The following KRTAP16-1 variants were observed in gnomAD, a reference collection of about 807,000 sequenced individuals.
KRTAP16-1 encodes the protein keratin associated protein 16-1.
For missense variants in KRTAP16-1, 675 were observed against 657.7 expected, an observed-to-expected ratio of 1.03 and a Z score of -0.29; for synonymous variants, 262 against 248.0, an observed-to-expected ratio of 1.06 and a Z score of -0.53.
Position 41,308,020 on chromosome 17 carries a change from T to G in KRTAP16-1, c.1234A>C (p.Arg412=). Reference sequence around the variant, plus strand: ...GAGATGGATGTCATGTATGGCTGCCTATAGGTGAGGAGTCCAGAGCAGATT... The same window carrying G: ...GAGATGGATGTCATGTATGGCTGCCGATAGGTGAGGAGTCCAGAGCAGATT... ...RPICSGLLTY[R]QPYMTSISYR... is the part of the protein sequence containing the mutation. Residue 412 remains arginine, a synonymous_variant, in exon 1 of 1, where the codon AGG becomes CGG. Coordinates refer to ENST00000391352, the MANE Select transcript of KRTAP16-1 (RefSeq NM_001146182.2). The G allele has an allele frequency of 6.4e-7, 1 of 1,550,530 alleles. No individual in the cohort carries two copies. Among genetic ancestry groups the G allele is most frequent in the Non-Finnish European group, 8.7e-7 (1 of 1,146,988 alleles).
rs1193129102 is a variant in KRTAP16-1, at chr17:41,308,499, C to G, written c.755G>C (p.Ser252Thr). ...CTCTGAGCAACTTGGCTCACAAGGG[C>G]TGGGGTCACAGCAGACAGCCTGGCA... ...SSCQAVCCDP[S>T]PCEPSCSESS... Residue 252 changes from serine (S) to threonine (T), a missense_variant, in exon 1 of 1, where the codon AGC becomes ACC. By Grantham distance (58) the Ser-to-Thr change is moderately conservative. Transcript: ENST00000391352. 2 of 1,550,368 alleles carry G rather than the reference C, an allele frequency of 1.3e-6. No homozygotes were observed. Among genetic ancestry groups the G allele is most frequent in the East Asian group, 4.9e-5 (2 of 40,916 alleles).
rs2016929964 is a variant in KRTAP16-1, at chr17:41,308,118, A to T, written c.1136T>A (p.Ile379Lys). ...CRPTCPRTFY[I>K]PSSSKRPCSA... ...GCAAGGCCGTTTGCTGGAACTGGGT[A>T]TGTAGAAAGTCCTAGGACAAGTTGG... The change falls in exon 1 of 1, where the codon ATA becomes AAA. Residue 379 changes from isoleucine to lysine, a missense_variant. Transcript: ENST00000391352. 4 of 1,550,616 alleles carry T rather than the reference A, an allele frequency of 2.6e-6. No individual in the cohort carries two copies. Among genetic ancestry groups the T allele is most frequent in the Non-Finnish European group, 3.5e-6 (4 of 1,146,994 alleles).
rs867491965 is a variant in KRTAP16-1, at chr17:41,308,268, C to T, written c.986G>A (p.Cys329Tyr). ...CTTGACTACATAGCAAGTAGGTTGG[C>T]ATGGACTGGACACACAGACAGCTGG... is the stretch of plus-strand genomic sequence containing the variant. Reference protein sequence around the residue: ...CSPAVCVSSPCQPTCYVVKRC... With the variant: ...CSPAVCVSSPYQPTCYVVKRC... Residue 329 changes from cysteine to tyrosine, a missense_variant, in exon 1 of 1, where the codon TGC (cysteine) becomes TAC (tyrosine). Transcript: ENST00000391352. The T allele has an allele frequency of 5.2e-6, 8 of 1,550,576 alleles. No homozygotes were observed. In the African/African-American group the frequency reaches 9.6e-5, roughly 19 times the overall value.
Position 41,308,085 on chromosome 17 carries a change from G to A in KRTAP16-1, c.1169C>T (p.Thr390Met), listed in dbSNP as rs773579787. 2.0e-5 allele frequency: 31 copies of A among 1,550,516 alleles called. No homozygotes were observed. Among genetic ancestry groups the A allele is most frequent in the Admixed American group, 9.8e-5 (5 of 50,986 alleles). The part of the protein sequence containing the change: ...PSSSKRPCSA[T>M]ISYRPVSRPI... ...ACGGGAGACCGGGCGGTAGGAAATC[G>A]TAGCACTGCAAGGCCGTTTGCTGGA... Residue 390 changes from threonine to methionine, a missense_variant, in exon 1 of 1, where the codon ACG (threonine) becomes ATG (methionine). Physicochemically the swap from Thr to Met is moderately conservative, Grantham distance 81. Coordinates refer to ENST00000391352, the MANE Select transcript of KRTAP16-1 (RefSeq NM_001146182.2).
chr17:41,308,795 G>T lies in KRTAP16-1; in HGVS notation c.459C>A (p.Cys153Ter). 1 of 1,550,306 alleles carries T rather than the reference G, an allele frequency of 6.5e-7. No homozygotes were observed. The highest frequency in any genetic ancestry group is 8.7e-7 in the Non-Finnish European group (1 of 1,146,728). ...AAGGCTCACAAATAGCAGGCTCACA[G>T]CACACAGGTTGAGCACAGCTGCTCA... Reference protein sequence around the residue: ...CSVSSCAQPVCCEPAICEPSC... With the variant: ...CSVSSCAQPV Residue 153 changes from cysteine to a stop codon, truncating the protein, a stop_gained, in exon 1 of 1, where the codon TGC (cysteine) becomes TGA (stop). Transcript: ENST00000391352. LOFTEE classifies it low-confidence loss of function (END_TRUNC).
At position 41,307,985 on chromosome 17, in the gene KRTAP16-1, AGGAC is replaced by A; in HGVS notation, c.1265_1268del (p.Arg422LeufsTer?). On this transcript the variant is annotated frameshift_variant, in exon 1 of 1. Transcript: ENST00000391352. LOFTEE classifies it low-confidence loss of function (END_TRUNC). ...TGGAGTAGCATGGGCGATAGCAGGCAGGACGGTAGGAGATGGATGTCATGTATGG... is the reference window on the plus strand; with the variant it reads ...TGGAGTAGCATGGGCGATAGCAGGCAGGTAGGAGATGGATGTCATGTATGG... 1 of 1,550,682 alleles carries A rather than the reference AGGAC, an allele frequency of 6.4e-7. No individual in the cohort carries two copies. The highest frequency in any genetic ancestry group is 8.7e-7 in the Non-Finnish European group (1 of 1,147,006).
rs985361098 is a variant in KRTAP16-1, at chr17:41,308,506, C to G, written c.748G>C (p.Asp250His). ...CAACTTGGCTCACAAGGGCTGGGGT[C>G]ACAGCAGACAGCCTGGCAGCTACTG... ...VTSSCQAVCC[D>H]PSPCEPSCSE... is the part of the protein sequence containing the mutation. The change falls in exon 1 of 1, where the codon GAC becomes CAC. Residue 250 changes from aspartate (D) to histidine (H), a missense_variant. Transcript: ENST00000391352. 1.3e-6 allele frequency: 2 copies of G among 1,550,424 alleles called. No individual in the cohort carries two copies. Among genetic ancestry groups the G allele is most frequent in the East Asian group, 2.4e-5 (1 of 40,928 alleles).
rs1413597882 is a variant in KRTAP16-1, at chr17:41,309,295, T to C, written c.-42A>G. The C allele has an allele frequency of 7.1e-7, 1 of 1,406,490 alleles. No individual in the cohort carries two copies. 87.1% of individuals were successfully genotyped at this position (1,406,490 alleles called of 1,614,324 possible). On this transcript the variant is annotated 5_prime_UTR_variant, in exon 1 of 1. Coordinates refer to ENST00000391352, the MANE Select transcript of KRTAP16-1 (RefSeq NM_001146182.2). ...CTTCCTTGTGCTGAGTGCTGAGAGG[T>C]TGCTGCCTCACTGTGACAGCTCCCT... is the stretch of plus-strand genomic sequence containing the variant.
rs1341805751 is a variant in KRTAP16-1 at position 41,309,231 on chromosome 17, C to T, written c.23G>A (p.Arg8Lys). ...GGTGGCTGGCACGGAGAAGCATTTC[C>T]TAGAAGAGCAACTGCCAGACATGGT... Reference protein sequence around the residue: MSGSCSSRKCFSVPATSL... With the variant: MSGSCSSKKCFSVPATSL... Residue 8 changes from arginine (R) to lysine (K), a missense_variant, in exon 1 of 1, where the codon AGG (arginine) becomes AAG (lysine). Physicochemically the swap from Arg to Lys is conservative, Grantham distance 26. Coordinates refer to ENST00000391352, the MANE Select transcript of KRTAP16-1 (RefSeq NM_001146182.2). 1 of 1,534,924 alleles carries T rather than the reference C, an allele frequency of 6.5e-7. No individual in the cohort carries two copies. Among genetic ancestry groups the T allele is most frequent in the South Asian group, 1.2e-5 (1 of 82,228 alleles).
Position 41,307,741 on chromosome 17 carries a change from C to T in KRTAP16-1, c.1513G>A (p.Ala505Thr), listed in dbSNP as rs745763704. The change falls in exon 1 of 1, where the codon GCA becomes ACA. Residue 505 changes from alanine to threonine, a missense_variant. Ala to Thr is a moderately conservative substitution (Grantham distance 58). Coordinates refer to ENST00000391352, the MANE Select transcript of KRTAP16-1 (RefSeq NM_001146182.2). Reference sequence around the variant, plus strand: ...TTGCTGGCAGCAGGCTGAGCTGCTGCGGCCTCACGGGTGGTTGGGCTGATG... The same window carrying T: ...TTGCTGGCAGCAGGCTGAGCTGCTGTGGCCTCACGGGTGGTTGGGCTGATG... ...KPISPTTREAAAAQPAASKPA... is the reference protein window; with the variant it reads ...KPISPTTREATAAQPAASKPA... The T allele has an allele frequency of 9.1e-6, 14 of 1,544,674 alleles. No individual in the cohort carries two copies. The highest frequency in any genetic ancestry group is 1.4e-5 in the African/African-American group (1 of 72,914).
chr17:41,309,289 G>A lies in KRTAP16-1; in HGVS notation c.-36C>T, dbSNP rs1032108173. ...GCCGTGCTTCCTTGTGCTGAGTGCT[G>A]AGAGGTTGCTGCCTCACTGTGACAG... On this transcript the variant is annotated 5_prime_UTR_variant, in exon 1 of 1. Coordinates refer to ENST00000391352, the MANE Select transcript of KRTAP16-1 (RefSeq NM_001146182.2). 19 of 1,437,032 alleles carry A rather than the reference G, an allele frequency of 1.3e-5. No individual in the cohort carries two copies. In the African/African-American group the frequency reaches 2.4e-4, roughly 18 times the overall value. The allele number at this position is 1,437,032 out of a possible 1,614,324, so 89.0% of individuals were successfully genotyped here.
chr17:41,308,429 C>T lies in KRTAP16-1; in HGVS notation c.825G>A (p.Glu275=). 1.9e-6 allele frequency: 3 copies of T among 1,550,648 alleles called. No individual in the cohort carries two copies. Among genetic ancestry groups the T allele is most frequent in the East Asian group, 2.4e-5 (1 of 40,922 alleles). ...AGCAGACAGGGCGGAGGCAAACTGGCTCACAGACCAGAGCCACACACGTAG... is the reference window on the plus strand; with the variant it reads ...AGCAGACAGGGCGGAGGCAAACTGGTTCACAGACCAGAGCCACACACGTAG... ...QPATCVALVC[E]PVCLRPVCCV... is the part of the protein sequence containing the mutation. The change falls in exon 1 of 1, where the codon GAG becomes GAA. Residue 275 remains glutamate, a synonymous_variant. Coordinates refer to ENST00000391352, the MANE Select transcript of KRTAP16-1 (RefSeq NM_001146182.2).
rs533177293 is a variant in KRTAP16-1 at position 41,308,881 on chromosome 17, C to T, written c.373G>A (p.Val125Met). The change falls in exon 1 of 1, where the codon GTG (valine) becomes ATG (methionine). Residue 125 changes from valine (V) to methionine (M), a missense_variant. Transcript: ENST00000391352. ...EATICEPSCS[V>M]SNCCQPVCFE... is the part of the protein sequence containing the mutation. ...CACACAGGTTGGCAGCAGTTGCTCACTGAGCAAGAAGGCTCACAGATGGTG... is the reference window on the plus strand; with the variant it reads ...CACACAGGTTGGCAGCAGTTGCTCATTGAGCAAGAAGGCTCACAGATGGTG... 6.5e-7 allele frequency: 1 copy of T among 1,548,588 alleles called. No individual in the cohort carries two copies. The highest frequency in any genetic ancestry group is 2.4e-5 in the East Asian group (1 of 40,900).
At position 41,308,049 on chromosome 17, in the gene KRTAP16-1, C is replaced by G. The variant is rs968816530; in HGVS notation, c.1205G>C (p.Arg402Pro). The G allele has an allele frequency of 3.2e-6, 5 of 1,550,446 alleles. No individual in the cohort carries two copies. The Admixed American group carries it at 9.8e-5, about 30-fold the overall frequency. Residue 402 changes from arginine (R) to proline (P), a missense_variant, in exon 1 of 1, where the codon CGC (arginine) becomes CCC (proline). Transcript: ENST00000391352. ...SYRPVSRPIC[R>P]PICSGLLTYR... ...GGTGAGGAGTCCAGAGCAGATTGGG[C>G]GGCAGATCGGACGGGAGACCGGGCG...
Position 41,308,376 on chromosome 17 carries a change from G to A in KRTAP16-1, c.878C>T (p.Ser293Phe), listed in dbSNP as rs773085946. The A allele has an allele frequency of 1.2e-5, 18 of 1,550,416 alleles. No homozygotes were observed. The South Asian group carries it at 1.8e-4, about 15-fold the overall frequency. The change falls in exon 1 of 1, where the codon TCT becomes TTT. Residue 293 changes from serine (S) to phenylalanine (F), a missense_variant. Transcript: ENST00000391352. ...AGGCTCTTGGCAAGTGCTGGGGACA[G>A]AAGGTGGCTCGCACGAGCTCTGAAC... ...CCVQSSCEPP[S>F]VPSTCQEPSC...
rs2016922722 is a variant in KRTAP16-1 at position 41,307,818 on chromosome 17, C to T, written c.1436G>A (p.Cys479Tyr). 1 of 1,550,770 alleles carries T rather than the reference C, an allele frequency of 6.4e-7. No individual in the cohort carries two copies. Among genetic ancestry groups the T allele is most frequent in the Non-Finnish European group, 8.7e-7 (1 of 1,147,034 alleles). The part of the protein sequence containing the change: ...SQLDCVDTTP[C>Y]KVDVSEEAPC... ...AGCCTCTTCTGAGACATCCACCTTG[C>T]AGGGGGTTGTGTCAACACAATCCAG... Residue 479 changes from cysteine (C) to tyrosine (Y), a missense_variant, in exon 1 of 1, where the codon TGC becomes TAC. Physicochemically the swap from Cys to Tyr is radical, Grantham distance 194. Transcript: ENST00000391352.
Position 41,309,145 on chromosome 17 carries a change from T to C in KRTAP16-1, c.109A>G (p.Ser37Gly). Reference protein sequence around the residue: ...GPICLPSSCQSQTWQLVTCQD... With the variant: ...GPICLPSSCQGQTWQLVTCQD... ...CAAGTCACCAGCTGCCATGTCTGGCTCTGGCAGGAACTGGGCAGGCAGATG... is the reference window on the plus strand; with the variant it reads ...CAAGTCACCAGCTGCCATGTCTGGCCCTGGCAGGAACTGGGCAGGCAGATG... The change falls in exon 1 of 1, where the codon AGC becomes GGC. Residue 37 changes from serine to glycine, a missense_variant. Physicochemically the swap from Ser to Gly is moderately conservative, Grantham distance 56. Transcript: ENST00000391352. The C allele has an allele frequency of 6.4e-7, 1 of 1,550,616 alleles. No homozygotes were observed. The highest frequency in any genetic ancestry group is 2.4e-5 in the East Asian group (1 of 40,922).
In KRTAP16-1 at chr17:41,308,476, C is replaced by T. The variant is rs1316656525; in HGVS notation, c.778G>A (p.Glu260Lys). The T allele has an allele frequency of 6.5e-7, 1 of 1,550,350 alleles. No homozygotes were observed. Among genetic ancestry groups the T allele is most frequent in the South Asian group, 1.2e-5 (1 of 84,054 alleles). ...DPSPCEPSCS[E>K]SSICQPATCV... ...GTAGCTGGCTGGCAGATGCTAGACT[C>T]TGAGCAACTTGGCTCACAAGGGCTG... Residue 260 changes from glutamate (E) to lysine (K), a missense_variant, in exon 1 of 1, where the codon GAG becomes AAG. Physicochemically the swap from Glu to Lys is moderately conservative, Grantham distance 56. Transcript: ENST00000391352.
chr17:41,309,001 C>A lies in KRTAP16-1; in HGVS notation c.253G>T (p.Val85Leu). Residue 85 changes from valine to leucine, a missense_variant, in exon 1 of 1, where the codon GTG becomes TTG. By Grantham distance (32) the Val-to-Leu change is conservative. Transcript: ENST00000391352. ...DPVICEPSCS[V>L]SSGCQPVCCE... The stretch of plus-strand genomic sequence containing the variant: ...CACACGGGTTGGCAGCCGCTGCTCA[C>A]GGAGCAAGAAGGCTCACAAATGACA... The A allele has an allele frequency of 1.3e-6, 2 of 1,550,638 alleles. No homozygotes were observed. The highest frequency in any genetic ancestry group is 1.7e-6 in the Non-Finnish European group (2 of 1,147,000).
Sources: gnomAD v4.1 joint callset for allele counts on GRCh38, gnomAD v4.1.1 for gene constraint, MANE v1.5 for transcripts, NCBI Gene and HGNC (gene_info 2026-07-23, HGNC 2026-07-21) for gene names.